Variants in TLE4 observed in about 807,000 individuals in gnomAD.
The protein encoded by TLE4 is TLE family member 4, transcriptional corepressor, also known as transducin-like enhancer protein 4.
TLE4 carries 8 observed loss-of-function variants against 92.8 expected under a neutral mutation model. The observed-to-expected ratio is 0.09, with a 90% confidence interval of 0.05 to 0.16. The LOEUF (loss-of-function observed/expected upper bound fraction) is 0.16. TLE4 is among the 10% of genes least tolerant of loss of function. The pLI is 1.00. For synonymous variants in TLE4, 371 were observed against 374.1 expected (o/e 0.99, Z 0.10); for missense variants, 675 against 997.6 (o/e 0.68, Z 4.36).
At chr9:79,603,419 C>A (rs1258817244) in intron 4 of TLE4, among the ~76,000 whole-genome samples, 1 of 152,108 alleles carries the variant, frequency 6.6e-6, no homozygotes, top group East Asian at 1.9e-4. Flanking sequence ...TGAGCCAAAA[C>A]CCTCTGTCAG....
intron 8 of TLE4, among the ~76,000 whole-genome samples, chr9:79,679,463 G>T (rs1216673951): frequency 6.6e-6 from 1 of 151,974 alleles, no homozygotes; most frequent in Admixed American, 6.6e-5. Context: ...TTGTTGATGG[G>T]GTTGTTTTTT....
chr9:79,597,810 G>A (rs2044397032), intron 4 of TLE4, among the ~76,000 whole-genome samples: 1 of 152,060 alleles, frequency 6.6e-6, no homozygotes, highest in Non-Finnish European at 1.5e-5. Flanking sequence ...ATGATTCTTT[G>A]GCTTTATCTG....
At chr9:79,668,995 G>T (rs912111963) in intron 8 of TLE4, among the ~76,000 whole-genome samples, 2 of 152,132 alleles carry the variant, frequency 1.3e-5, no homozygotes, top group African/African-American at 4.8e-5. Flanking sequence ...GGAGAAGCCC[G>T]CCATCCTTCT....
intron 5 of TLE4, among the ~76,000 whole-genome samples, chr9:79,622,570 T>C (rs2051298250): frequency 6.6e-6 from 1 of 152,338 alleles, no homozygotes; most frequent in Non-Finnish European, 1.5e-5. Flanking sequence ...ATTTTTCTTA[T>C]GGAAATTATC....
intron 6 of TLE4, among the ~76,000 whole-genome samples, chr9:79,628,600 C>CA (rs1011558444): frequency 1.7e-4 from 26 of 149,662 alleles, no homozygotes; most frequent in African/African-American, 4.7e-4. Context: ...ACCAAAAAAA[C>CA]AAAAAAAACC....
intron 8 of TLE4, among the ~76,000 whole-genome samples, chr9:79,657,154 A>G (rs959384642): frequency 2.6e-5 from 4 of 152,148 alleles, no homozygotes; most frequent in African/African-American, 7.2e-5. Flanking sequence ...GTCAGGAGCC[A>G]TGGCACCTGC....
Position 79,573,864 on chromosome 9 carries a change from C to T in TLE4, c.143+78C>T, listed in dbSNP as rs1286177146. The T allele has an allele frequency of 3.7e-6, 4 of 1,075,212 alleles. No individual in the cohort carries two copies. In the African/African-American group the frequency reaches 4.9e-5, roughly 13 times the overall value. 66.6% of individuals were successfully genotyped at this position (1,075,212 alleles called of 1,614,324 possible). A position where few individuals can be genotyped will look rare whatever the true frequency, so the allele number is the denominator to read the frequency against. ...CGACAAATACACACAAACACTTACCCTCCTCCTTTTTTGTGGGGGCGTCAC... is the reference window on the plus strand; with the variant it reads ...CGACAAATACACACAAACACTTACCTTCCTCCTTTTTTGTGGGGGCGTCAC... On this transcript the variant is annotated intron_variant, in intron 2 of 19. Coordinates refer to ENST00000376552, the MANE Select transcript of TLE4 (RefSeq NM_007005.6).
intron 14 of TLE4, among the ~76,000 whole-genome samples, chr9:79,713,837 A>C (rs1237459339): frequency 7.8e-6 from 1 of 128,934 alleles, no homozygotes; most frequent in Non-Finnish European, 1.7e-5. Flanking sequence ...AAATTGTTGG[A>C]ATAATTGTTG....
rs1167317458 is a variant in TLE4 at position 79,725,539 on chromosome 9, T to C, written c.*395T>C. 1 of 164,616 alleles carries C rather than the reference T, an allele frequency of 6.1e-6. No individual in the cohort carries two copies. Among genetic ancestry groups the C allele is most frequent in the East Asian group, 1.8e-4 (1 of 5,496 alleles). The allele number at this position is 164,616 out of a possible 1,614,324, so 10.2% of individuals were successfully genotyped here. ...ATTTGATACCCCTCCCCCCCTTTTT[T>C]TGGCAAAGGAGGGGAAAGGAAGGTT... On this transcript the variant is annotated 3_prime_UTR_variant, in exon 20 of 20. Coordinates refer to ENST00000376552, the MANE Select transcript of TLE4 (RefSeq NM_007005.6).
chr9:79,658,688 T>G (rs1377930629), intron 8 of TLE4, among the ~76,000 whole-genome samples: 1 of 152,230 alleles, frequency 6.6e-6, no homozygotes, highest in Non-Finnish European at 1.5e-5. Context: ...GAATGATTAC[T>G]TCATACACCC....
At chr9:79,612,783 A>G in intron 5 of TLE4, 65 bp downstream of exon 5, 1 of 1,347,524 alleles carries the variant, frequency 7.4e-7, no homozygotes, top group Non-Finnish European at 1.1e-6. Flanking sequence ...CAGAAAAGGG[A>G]TTGTAGAACT....
intron 4 of TLE4, among the ~76,000 whole-genome samples, chr9:79,606,953 C>T (rs2132858889): frequency 6.6e-6 from 1 of 152,314 alleles, no homozygotes; most frequent in African/African-American, 2.4e-5. Flanking sequence ...ACTCGCCACA[C>T]TGTCCTCCAC....
intron 10 of TLE4, 125 bp downstream of exon 10, chr9:79,706,067 C>T (rs2071477506): frequency 2.1e-6 from 2 of 959,680 alleles, no homozygotes; most frequent in Non-Finnish European, 3.4e-6. Flanking sequence ...TTTTTTGAGG[C>T]AGGGTCTTGT....
intron 14 of TLE4, among the ~76,000 whole-genome samples, chr9:79,711,673 A>G (rs2073324538): frequency 6.6e-6 from 1 of 152,216 alleles, no homozygotes; most frequent in African/African-American, 2.4e-5. Flanking sequence ...GATTTGGACC[A>G]GTTAAACCAC....
At position 79,679,881 on chromosome 9, in the gene TLE4, C is replaced by T. The variant is rs1337529926; in HGVS notation, c.610-24902C>T. ...CCATTTATTAAATAGGGAATCCTTT[C>T]CCCATTGCTTGTTTTTCTCAGGTTT... On this transcript the variant is annotated intron_variant, in intron 8 of 19. Coordinates refer to ENST00000376552, the MANE Select transcript of TLE4 (RefSeq NM_007005.6). 2.6e-5 allele frequency among the ~76,000 whole-genome samples: 4 copies of T among 152,134 alleles called. No homozygotes were observed. The East Asian group carries it at 5.8e-4, about 22-fold the overall frequency.
Position 79,720,111 on chromosome 9 carries a change from G to A in TLE4, c.1656G>A (p.Gly552=). 1 of 1,614,120 alleles carries A rather than the reference G, an allele frequency of 6.2e-7. No individual in the cohort carries two copies. The highest frequency in any genetic ancestry group is 8.5e-7 in the Non-Finnish European group (1 of 1,180,002). Residue 552 remains glycine (G), a synonymous_variant, in exon 16 of 20, where the codon GGG becomes GGA. Transcript: ENST00000376552. ...LPDGRTLIVG[G]EASTLSIWDL... ...ATGGTCGCACCCTAATTGTTGGAGGGGAAGCCAGTACTTTGTCCATTTGGG... is the reference window on the plus strand; with the variant it reads ...ATGGTCGCACCCTAATTGTTGGAGGAGAAGCCAGTACTTTGTCCATTTGGG...
At chr9:79,698,914 A>G (rs1401588460) in intron 8 of TLE4, among the ~76,000 whole-genome samples, 2 of 150,144 alleles carry the variant, frequency 1.3e-5, no homozygotes, top group Non-Finnish European at 3.0e-5. Context: ...TTCCCTGTAA[A>G]TGAGATAATA....
At chr9:79,629,285 T>C (rs1027246100) in intron 6 of TLE4, among the ~76,000 whole-genome samples, 1 of 152,130 alleles carries the variant, frequency 6.6e-6, no homozygotes, top group Non-Finnish European at 1.5e-5. Context: ...ACTTTGTTTA[T>C]GTGTTGGATG....
intron 8 of TLE4, among the ~76,000 whole-genome samples, chr9:79,691,224 T>C (rs2067011708): frequency 6.6e-6 from 1 of 152,136 alleles, no homozygotes; most frequent in South Asian, 2.1e-4. Context: ...AGATCCACTT[T>C]AGCCCACACC....
Sources: allele counts gnomAD v4.1 joint callset (sites outside exome capture counted in the v4.1 genomes callset), GRCh38; gene constraint gnomAD v4.1.1; transcripts MANE v1.5; gene names NCBI Gene and HGNC (gene_info 2026-07-23, HGNC 2026-07-21).